The following CSMD1 variants were observed in gnomAD, a reference collection of about 807,000 sequenced individuals.
CSMD1 encodes CUB and sushi domain-containing protein 1.
CSMD1 carries 213 observed loss-of-function variants against 417.5 expected under a neutral mutation model. The ratio of observed to expected loss-of-function variants is 0.51; its 90% CI spans 0.46 to 0.57. CSMD1 has a LOEUF of 0.57. CSMD1 is among the 20% of genes least tolerant of loss of function. The pLI is 0.00. For missense variants in CSMD1, 6,923 were observed against 4,529.7 expected (o/e 1.53, Z -15.17); for synonymous variants, 2,862 against 1,736.8 (o/e 1.65, Z -16.11).
In CSMD1 at chr8:3,068,872, C is replaced by A. The variant is rs965926256; in HGVS notation, c.7475-16225G>T. 2.6e-5 allele frequency among the ~76,000 whole-genome samples: 4 copies of A among 152,050 alleles called. No individual in the cohort carries two copies. The East Asian group carries it at 7.7e-4, about 29-fold the overall frequency. ...ATTCAACACGAGATTTGGGCAGGGA[C>A]AAATATCCAAACTATATTATTTCTC... On this transcript the variant is annotated intron_variant, in intron 49 of 69. Coordinates refer to ENST00000635120, the MANE Select transcript of CSMD1 (RefSeq NM_033225.6).
intron 7 of CSMD1, among the ~76,000 whole-genome samples, chr8:3,701,983 T>C (rs1800895734): frequency 6.6e-6 from 1 of 152,118 alleles, no homozygotes; most frequent in Non-Finnish European, 1.5e-5. Flanking sequence ...TCTCTTTTTT[T>C]TTTCTTTTCA....
Position 3,230,182 on chromosome 8 carries a change from G to T in CSMD1, c.4203C>A (p.Thr1401=). 1 of 1,611,684 alleles carries T rather than the reference G, an allele frequency of 6.2e-7. No homozygotes were observed. The change falls in exon 27 of 70, where the codon ACC becomes ACA. Residue 1401 remains threonine, a synonymous_variant. Transcript: ENST00000635120. ...CAGCCTCTCTGCTGTCTCCATAGCG[G>T]GTGCCATTTTGGGGCATACCTGGAT... ...CNDPGMPQNG[T]RYGDSREAGD...
chr8:3,354,092 C>T (rs559307217), intron 21 of CSMD1, among the ~76,000 whole-genome samples: 15 of 152,216 alleles, frequency 9.9e-5, no homozygotes, highest in Admixed American at 2.6e-4. Flanking sequence ...ATTCAATATT[C>T]GGCAAGGTCA....
At chr8:3,322,090 T>A (rs1401339135) in intron 23 of CSMD1, among the ~76,000 whole-genome samples, 1 of 152,198 alleles carries the variant, frequency 6.6e-6, no homozygotes, top group East Asian at 1.9e-4. Context: ...TATATGAAAG[T>A]CAGTGCAGAC....
chr8:4,035,487 T>C (rs1298714024), intron 3 of CSMD1, among the ~76,000 whole-genome samples: 1 of 152,178 alleles, frequency 6.6e-6, no homozygotes, highest in Admixed American at 6.5e-5. Context: ...AGATGAAAGC[T>C]CCATACCTGT....
rs967163876 is a variant in CSMD1 at position 3,726,694 on chromosome 8, G to A, written c.932-18203C>T. ...TGTAGTTCTGGTTTGTGAGTGGTAC[G>A]AGGTGTATATTTACCTATGGGCCCT... On this transcript the variant is annotated intron_variant, in intron 6 of 69. Coordinates refer to ENST00000635120, the MANE Select transcript of CSMD1 (RefSeq NM_033225.6). 2.6e-5 allele frequency among the ~76,000 whole-genome samples: 4 copies of A among 152,122 alleles called. 1 individual carries two copies. The highest frequency in any genetic ancestry group is 4.1e-4 in the South Asian group (2 of 4,828).
chr8:4,176,013 T>A (rs1798019362), intron 3 of CSMD1, among the ~76,000 whole-genome samples: 1 of 152,156 alleles, frequency 6.6e-6, no homozygotes, highest in African/African-American at 2.4e-5. Flanking sequence ...CCCAGGCTTC[T>A]CGCCATAGCC....
Position 3,087,264 on chromosome 8 carries a change from T to G in CSMD1, c.7307A>C (p.His2436Pro). Residue 2436 changes from histidine to proline, a missense_variant, in exon 49 of 70, where the codon CAC (histidine) becomes CCC (proline). By Grantham distance (77) the His-to-Pro change is moderately conservative. Transcript: ENST00000635120. ...TAGAATACCCCCATTCTTCAGGGGG[T>G]GGGTCAAACTGCAGTAAGGTGCTGT... is the stretch of plus-strand genomic sequence containing the variant. ...RYAAPYCSLT[H>P]PLKNGGILNR... is the part of the protein sequence containing the mutation. 1.2e-6 allele frequency: 2 copies of G among 1,613,590 alleles called. No homozygotes were observed. Among genetic ancestry groups the G allele is most frequent in the South Asian group, 1.1e-5 (1 of 91,056 alleles).
At chr8:4,732,013 G>C (rs953076147) in intron 1 of CSMD1, among the ~76,000 whole-genome samples, 1 of 152,146 alleles carries the variant, frequency 6.6e-6, no homozygotes, top group Non-Finnish European at 1.5e-5. Flanking sequence ...CGAGAAGACT[G>C]AGGAGCCAGT....
intron 8 of CSMD1, among the ~76,000 whole-genome samples, chr8:3,605,375 A>C (rs1415700826): frequency 6.6e-6 from 1 of 152,236 alleles, no homozygotes; most frequent in African/African-American, 2.4e-5. Flanking sequence ...ATTTTCATGT[A>C]ACAAGAGACA....
intron 2 of CSMD1, among the ~76,000 whole-genome samples, chr8:4,529,007 A>G (rs1032347883): frequency 2.0e-5 from 3 of 152,188 alleles, no homozygotes; most frequent in Non-Finnish European, 4.4e-5. Flanking sequence ...CGTTTGTAAA[A>G]TCATTTTCTT....
intron 3 of CSMD1, among the ~76,000 whole-genome samples, chr8:4,313,859 C>T (rs1478721511): frequency 6.6e-6 from 1 of 151,852 alleles, no homozygotes; most frequent in African/African-American, 2.4e-5. Context: ...ACTAAAAATA[C>T]AAAAATTAGC....
intron 26 of CSMD1, among the ~76,000 whole-genome samples, chr8:3,255,673 C>A (rs374587429): frequency 6.6e-6 from 1 of 152,196 alleles, no homozygotes; most frequent in Non-Finnish European, 1.5e-5. Context: ...GAGCCATGCA[C>A]GGGATATAAT....
At chr8:3,366,191 T>C (rs1434503762) in intron 20 of CSMD1, among the ~76,000 whole-genome samples, 1 of 152,150 alleles carries the variant, frequency 6.6e-6, no homozygotes, top group Non-Finnish European at 1.5e-5. Context: ...GTTAATATGA[T>C]TGTTCCCATC....
intron 2 of CSMD1, among the ~76,000 whole-genome samples, chr8:4,453,345 GC>G (rs1799266283): frequency 6.6e-6 from 1 of 152,118 alleles, no homozygotes; most frequent in South Asian, 2.1e-4. Flanking sequence ...GGAACCAACT[GC>G]CCCAGTCTGC....
intron 1 of CSMD1, among the ~76,000 whole-genome samples, chr8:4,913,794 A>T (rs943551054): frequency 6.6e-6 from 1 of 152,210 alleles, no homozygotes; most frequent in Non-Finnish European, 1.5e-5. Context: ...ATTGCACGCC[A>T]ACCTTCCCAC....
At position 3,550,862 on chromosome 8, in the gene CSMD1, T is replaced by C. The variant is rs150754162; in HGVS notation, c.1344+24083A>G. On this transcript the variant is annotated intron_variant, in intron 10 of 69. Coordinates refer to ENST00000635120, the MANE Select transcript of CSMD1 (RefSeq NM_033225.6). Reference sequence around the variant, plus strand: ...ATGGGTAAATAGGGTGTATGCAATATGCATTCCCATGTTGCCAATCTCTGC... The same window carrying C: ...ATGGGTAAATAGGGTGTATGCAATACGCATTCCCATGTTGCCAATCTCTGC... Among the ~76,000 whole-genome samples the C allele has an allele frequency of 3.1e-3, 468 of 152,320 alleles. 5 individuals are homozygous for C. The highest frequency in any genetic ancestry group is 0.01 in the African/African-American group (426 of 41,564).
intron 7 of CSMD1, among the ~76,000 whole-genome samples, chr8:3,667,105 G>T (rs1285103204): frequency 6.6e-6 from 1 of 152,118 alleles, no homozygotes; most frequent in Non-Finnish European, 1.5e-5. Context: ...AGGCAATCTT[G>T]TAGGCATTAG....
chr8:3,291,194 A>T (rs1259994763), intron 25 of CSMD1, among the ~76,000 whole-genome samples: 1 of 152,194 alleles, frequency 6.6e-6, no homozygotes, highest in Non-Finnish European at 1.5e-5. Flanking sequence ...CATTGTGGAT[A>T]AACTTTTTGA....
Sources: gnomAD v4.1 joint callset for allele counts (sites outside exome capture counted in the v4.1 genomes callset) on GRCh38, gnomAD v4.1.1 for gene constraint, MANE v1.5 for transcripts, NCBI Gene and HGNC (gene_info 2026-07-23, HGNC 2026-07-21) for gene names.